The following SGCD variants were observed in gnomAD, a reference collection of about 807,000 sequenced individuals.
The protein encoded by SGCD is delta-sarcoglycan.
A neutral mutation model predicts 36.6 loss-of-function variants in SGCD; 18 were observed. That is an observed-to-expected ratio of 0.49 (90% confidence interval 0.34 to 0.73). SGCD has a LOEUF of 0.73. SGCD is among the 30% of genes least tolerant of loss of function. The pLI is 0.01. For synonymous variants in SGCD, 133 were observed against 130.6 expected, an observed-to-expected ratio of 1.02 and a Z score of -0.12; for missense variants, 387 against 346.7, an observed-to-expected ratio of 1.12 and a Z score of -0.92.
At chr5:156,123,358 A>G (rs1309973617) in intron 2 of SGCD, among the ~76,000 whole-genome samples, 6 of 152,136 alleles carry the variant, frequency 3.9e-5, no homozygotes, top group Non-Finnish European at 8.8e-5. Context: ...AAGATGCAAT[A>G]GAGGTAGCCA....
At chr5:156,673,135 T>G (rs1196474849) in intron 7 of SGCD, among the ~76,000 whole-genome samples, 2 of 152,222 alleles carry the variant, frequency 1.3e-5, no homozygotes, top group African/African-American at 4.8e-5. Flanking sequence ...CTCAAAAGTG[T>G]GTGTTCAGCC....
intron 3 of SGCD, among the ~76,000 whole-genome samples, chr5:156,373,714 A>G (rs995200336): frequency 1.3e-5 from 2 of 152,240 alleles, no homozygotes; most frequent in East Asian, 1.9e-4. Flanking sequence ...TTGTAATTAG[A>G]ATACTACCAC....
At chr5:156,446,074 G>A (rs1180130598) in intron 3 of SGCD, among the ~76,000 whole-genome samples, 1 of 152,146 alleles carries the variant, frequency 6.6e-6, no homozygotes, top group Non-Finnish European at 1.5e-5. Context: ...TGCCTGGCAT[G>A]TGGTTGGTGC....
the SGCD span, among the ~76,000 whole-genome samples, chr5:155,788,834 G>A: frequency 1.3e-5 from 2 of 152,108 alleles, no homozygotes; most frequent in African/African-American, 4.8e-5. Flanking sequence ...AGGAAGGCCA[G>A]ATTTCACAGC....
At chr5:156,750,931 T>A (rs1320863782) in intron 7 of SGCD, among the ~76,000 whole-genome samples, 1 of 152,070 alleles carries the variant, frequency 6.6e-6, no homozygotes, top group Non-Finnish European at 1.5e-5. Context: ...AAATAAAACA[T>A]AAGTAATTGG....
chr5:156,543,378 A>C (rs1374321163), intron 4 of SGCD, among the ~76,000 whole-genome samples: 1 of 152,186 alleles, frequency 6.6e-6, no homozygotes, highest in Non-Finnish European at 1.5e-5. Flanking sequence ...AGTGCTGCTC[A>C]GTTTTCAGCA....
intron 7 of SGCD, among the ~76,000 whole-genome samples, chr5:156,716,597 C>T (rs1413382630): frequency 6.6e-6 from 1 of 152,226 alleles, no homozygotes; most frequent in African/African-American, 2.4e-5. Flanking sequence ...TAGTGCTAGG[C>T]ATATAGTAAC....
At chr5:156,589,637 T>G (rs1313542210) in intron 5 of SGCD, among the ~76,000 whole-genome samples, 3 of 152,176 alleles carry the variant, frequency 2.0e-5, no homozygotes, top group Non-Finnish European at 4.4e-5. Context: ...AGCTTCTTGC[T>G]CCAATGCTGG....
At chr5:156,432,387 G>T (rs1025400593) in intron 3 of SGCD, among the ~76,000 whole-genome samples, 2 of 152,300 alleles carry the variant, frequency 1.3e-5, no homozygotes, top group Non-Finnish European at 2.9e-5. Flanking sequence ...GGCCTGAGTT[G>T]GTTGGCCTCC....
intron 1 of SGCD, among the ~76,000 whole-genome samples, chr5:156,018,607 T>A (rs1434734324): frequency 1.3e-5 from 2 of 152,214 alleles, no homozygotes; most frequent in Non-Finnish European, 2.9e-5. Context: ...CATTTATCCA[T>A]CTCTGCATCA....
rs562525063 is a variant in SGCD at position 156,135,953 on chromosome 5, G to A, written c.-44+11934G>A. On this transcript the variant is annotated intron_variant, in intron 3 of 9. Coordinates refer to the SGCD transcript ENST00000517913. ...TAACATTTTGATGTCATTATTAGCG[G>A]TGTAACAAAAAATGTAACACATTCT... Among the ~76,000 whole-genome samples the A allele has an allele frequency of 3.3e-5, 5 of 152,092 alleles. No homozygotes were observed. In the East Asian group the frequency reaches 5.8e-4, roughly 18 times the overall value.
the SGCD span, among the ~76,000 whole-genome samples, chr5:155,787,649 A>G: frequency 6.6e-6 from 1 of 152,084 alleles, no homozygotes; most frequent in Non-Finnish European, 1.5e-5. Flanking sequence ...GCTCATGTTT[A>G]TGTCCTGTCT....
At position 155,993,511 on chromosome 5, in the gene SGCD, T is replaced by A. The variant is rs955953077; in HGVS notation, c.-282+123087T>A. Among the ~76,000 whole-genome samples, 4 of 151,794 alleles carry A rather than the reference T, an allele frequency of 2.6e-5. No individual in the cohort carries two copies. The East Asian group carries it at 7.7e-4, about 29-fold the overall frequency. The stretch of plus-strand genomic sequence containing the variant: ...AGGCAGCACCACCACAGCCAGCTAA[T>A]TTTTTGTATTTTTAGTAGAGATGGA... On this transcript the variant is annotated intron_variant, in intron 1 of 9. Transcript: ENST00000517913.
rs889581898 is a variant in SGCD at position 156,400,450 on chromosome 5, G to A, written c.192+55773G>A. On this transcript the variant is annotated intron_variant, in intron 3 of 8. Coordinates refer to ENST00000337851, the MANE Select transcript of SGCD (RefSeq NM_000337.6). The stretch of plus-strand genomic sequence containing the variant: ...AATTAATGCATCCACATTTTAAAGG[G>A]GACATCTGGACAGATAACTACTGAA... Among the ~76,000 whole-genome samples, 11 of 152,218 alleles carry A rather than the reference G, an allele frequency of 7.2e-5. No individual in the cohort carries two copies. The South Asian group carries it at 2.3e-3, about 32-fold the overall frequency.
rs550158263 is a variant in SGCD, at chr5:156,183,902, AT to A, written c.-44+59884del. 4.3e-4 allele frequency among the ~76,000 whole-genome samples: 66 copies of A among 152,308 alleles called. 1 individual carries two copies. In the South Asian group the frequency reaches 0.013, roughly 31 times the overall value. ...ATGAAAAATCAAGAGCAGTAATATA[AT>A]CATGTTAATTGGAAACACAACAGCA... On this transcript the variant is annotated intron_variant, in intron 3 of 9. Transcript: ENST00000517913.
the SGCD span, among the ~76,000 whole-genome samples, chr5:155,790,530 G>A: frequency 6.6e-6 from 1 of 151,998 alleles, no homozygotes; most frequent in Non-Finnish European, 1.5e-5. Flanking sequence ...CTATATCAAA[G>A]TGATTTACCA....
intron 4 of SGCD, among the ~76,000 whole-genome samples, chr5:156,514,025 A>C (rs1757052074): frequency 6.6e-6 from 1 of 152,080 alleles, no homozygotes; most frequent in African/African-American, 2.4e-5. Flanking sequence ...ATGCTATACA[A>C]CTCTATGTTT....
chr5:155,778,631 C>CAACCACTGT, the SGCD span, among the ~76,000 whole-genome samples: 129,330 of 151,660 alleles, frequency 0.85, 55,308 homozygotes, highest in East Asian at 0.99. Context: ...TAAGCTATTG[C>CAACCACTGT]TTAAAATGCA....
At chr5:155,814,513 T>C in the SGCD span, among the ~76,000 whole-genome samples, 43 of 152,184 alleles carry the variant, frequency 2.8e-4, no homozygotes, top group Non-Finnish European at 4.7e-4. Flanking sequence ...CATGGGAGTA[T>C]GGGGAGTGGC....
Sources: allele counts gnomAD v4.1 joint callset (sites outside exome capture counted in the v4.1 genomes callset), GRCh38; gene constraint gnomAD v4.1.1; transcripts MANE v1.5; gene names NCBI Gene and HGNC (gene_info 2026-07-23, HGNC 2026-07-21).